The following DPP6 variants were observed in gnomAD, a reference collection of about 807,000 sequenced individuals.
DPP6 encodes A-type potassium channel modulatory protein DPP6.
DPP6 carries 69 observed loss-of-function variants against 122.6 expected under a neutral mutation model. The ratio of observed to expected loss-of-function variants is 0.56; its 90% CI spans 0.46 to 0.69. The LOEUF (loss-of-function observed/expected upper bound fraction) is 0.69. DPP6 is among the 30% of genes least tolerant of loss of function. The pLI, the probability that DPP6 is intolerant of heterozygous loss-of-function variation, is 0.00. For missense variants in DPP6, 928 were observed against 1,116.9 expected, an observed-to-expected ratio of 0.83 and a Z score of 2.41; for synonymous variants, 418 against 433.1, an observed-to-expected ratio of 0.97 and a Z score of 0.43.
At chr7:154,629,130 G>C (rs1835261285) in intron 5 of DPP6, among the ~76,000 whole-genome samples, 1 of 152,182 alleles carries the variant, frequency 6.6e-6, no homozygotes, top group Non-Finnish European at 1.5e-5. Flanking sequence ...TCTCCTAGGG[G>C]ACTGTCTATT....
chr7:154,548,843 GAGAA>G (rs762369085), intron 4 of DPP6, among the ~76,000 whole-genome samples: 3 of 152,224 alleles, frequency 2.0e-5, no homozygotes, highest in African/African-American at 4.8e-5. Context: ...AGAACAAGGT[GAGAA>G]AGAAAGAGGA....
chr7:154,547,560 T>G (rs1165993796), intron 4 of DPP6, among the ~76,000 whole-genome samples: 2 of 152,200 alleles, frequency 1.3e-5, no homozygotes, highest in Non-Finnish European at 2.9e-5. Flanking sequence ...GTCTCTGAGT[T>G]TGAAACCCCT....
At chr7:154,697,909 A>G (rs1192695134) in intron 7 of DPP6, among the ~76,000 whole-genome samples, 1 of 152,108 alleles carries the variant, frequency 6.6e-6, no homozygotes, top group Non-Finnish European at 1.5e-5. Context: ...ATGGTGGCAT[A>G]TTTATTATTT....
chr7:154,563,234 T>C (rs753801273), intron 4 of DPP6, among the ~76,000 whole-genome samples: 38 of 152,206 alleles, frequency 2.5e-4, no homozygotes, highest in Non-Finnish European at 5.1e-4. Flanking sequence ...GAGAATGGCA[T>C]GTGCCTGGCT....
rs1294542715 is a variant in DPP6, at chr7:154,872,010, G to A, written c.1814-614G>A. On this transcript the variant is annotated intron_variant, in intron 18 of 25. Transcript: ENST00000377770. ...CAGATCCAGTGACCTTGGTAGCCACGGGATCCAATGGGCTGTACCATCCTT... is the reference window on the plus strand; with the variant it reads ...CAGATCCAGTGACCTTGGTAGCCACAGGATCCAATGGGCTGTACCATCCTT... Among the ~76,000 whole-genome samples the A allele has an allele frequency of 1.3e-5, 2 of 152,096 alleles. 1 individual carries two copies. The highest frequency in any genetic ancestry group is 4.1e-4 in the South Asian group (2 of 4,828).
intron 1 of DPP6, among the ~76,000 whole-genome samples, chr7:154,169,984 A>G (rs1032005258): frequency 1.4e-4 from 21 of 152,160 alleles, no homozygotes; most frequent in African/African-American, 5.1e-4. Context: ...TCGGCCTCCC[A>G]AAGTGCTGGG....
chr7:154,107,458 A>C (rs2150579336), intron 1 of DPP6, among the ~76,000 whole-genome samples: 1 of 152,268 alleles, frequency 6.6e-6, no homozygotes, highest in Non-Finnish European at 1.5e-5. Context: ...AAGGATATAA[A>C]ATTTCATTGG....
intron 1 of DPP6, among the ~76,000 whole-genome samples, chr7:154,369,965 C>CATTTATTTATTTATTT (rs36198177): frequency 1.4e-3 from 206 of 145,934 alleles, no homozygotes; most frequent in East Asian, 0.011. Flanking sequence ...CAGATATATG[C>CATTTATTTATTTATTT]ATTTATTTAT....
chr7:154,060,813 C>G (rs1470823279), intron 1 of DPP6, among the ~76,000 whole-genome samples: 1 of 132,998 alleles, frequency 7.5e-6, no homozygotes, highest in African/African-American at 3.0e-5. Flanking sequence ...ACGCACCCCC[C>G]ATGAGGCAGG....
intron 1 of DPP6, among the ~76,000 whole-genome samples, chr7:154,176,166 A>C (rs190016738): frequency 6.6e-6 from 1 of 152,332 alleles, no homozygotes; most frequent in Admixed American, 6.5e-5. Flanking sequence ...GAATTGAGTA[A>C]AAGTGTGGAT....
At chr7:154,325,563 A>C (rs12234425) in intron 1 of DPP6, among the ~76,000 whole-genome samples, 18,382 of 152,206 alleles carry the variant, frequency 0.12, 1,362 homozygotes, top group South Asian at 0.2. Context: ...GTCTAGCTGG[A>C]ATCTCTCCTG....
chr7:154,522,350 T>C (rs1167819619), intron 3 of DPP6, among the ~76,000 whole-genome samples: 3 of 152,186 alleles, frequency 2.0e-5, no homozygotes, highest in Non-Finnish European at 4.4e-5. Flanking sequence ...CCACGTATGT[T>C]AAAGTTGCCA....
chr7:154,321,166 A>T (rs958842247), intron 1 of DPP6, among the ~76,000 whole-genome samples: 2 of 151,964 alleles, frequency 1.3e-5, no homozygotes, highest in Non-Finnish European at 2.9e-5. Flanking sequence ...AGTCCCAGCT[A>T]CTCAAGAGGC....
chr7:153,807,958 C>G, the DPP6 span, among the ~76,000 whole-genome samples: 2 of 151,868 alleles, frequency 1.3e-5, no homozygotes, highest in Non-Finnish European at 2.9e-5. Flanking sequence ...CAAGCCCATC[C>G]TGGGAAGAAG....
At chr7:154,011,895 G>T (rs1459791598) in intron 1 of DPP6, among the ~76,000 whole-genome samples, 1 of 152,190 alleles carries the variant, frequency 6.6e-6, no homozygotes, top group Non-Finnish European at 1.5e-5. Context: ...GAACTAGTAA[G>T]CTGGAGAACA....
chr7:154,693,691 G>T (rs1840057692), intron 7 of DPP6, among the ~76,000 whole-genome samples: 1 of 152,132 alleles, frequency 6.6e-6, no homozygotes, highest in Non-Finnish European at 1.5e-5. Flanking sequence ...CTTTAGGAAA[G>T]ATCTGTTCAT....
intron 7 of DPP6, among the ~76,000 whole-genome samples, chr7:154,724,767 G>A (rs911524521): frequency 6.6e-6 from 1 of 152,072 alleles, no homozygotes; most frequent in African/African-American, 2.4e-5. Context: ...AGGGGCTGGG[G>A]GAGGGATGGG....
intron 1 of DPP6, among the ~76,000 whole-genome samples, chr7:154,180,475 TA>T (rs1301142332): frequency 2.1e-5 from 3 of 145,058 alleles, no homozygotes; most frequent in Non-Finnish European, 3.0e-5. Context: ...TATATTTATA[TA>T]ATGTTATATA....
At chr7:154,266,203 G>A (rs1046911663) in intron 1 of DPP6, among the ~76,000 whole-genome samples, 1 of 152,166 alleles carries the variant, frequency 6.6e-6, no homozygotes, top group African/African-American at 2.4e-5. Context: ...GTGTACACTG[G>A]TTGAATAAAT....
Sources: gnomAD v4.1 joint callset for allele counts (sites outside exome capture counted in the v4.1 genomes callset) on GRCh38, gnomAD v4.1.1 for gene constraint, MANE v1.5 for transcripts, NCBI Gene and HGNC (gene_info 2026-07-23, HGNC 2026-07-21) for gene names.